SGCD: variants seen among roughly 807,000 people sequenced by gnomAD.
SGCD encodes the protein delta-sarcoglycan.
Under a neutral mutation model 36.6 loss-of-function variants are expected in SGCD, and 18 were observed. That is an observed-to-expected ratio of 0.49 (90% confidence interval 0.34 to 0.73). SGCD has a LOEUF of 0.73. SGCD is among the 30% of genes least tolerant of loss of function. The pLI is 0.01. For missense variants in SGCD, 387 were observed against 346.7 expected (o/e 1.12, Z -0.92); for synonymous variants, 133 against 130.6 (o/e 1.02, Z -0.12).
At chr5:156,400,155 G>T (rs953921720) in intron 3 of SGCD, among the ~76,000 whole-genome samples, 7 of 152,164 alleles carry the variant, frequency 4.6e-5, no homozygotes, top group African/African-American at 1.7e-4. Flanking sequence ...CTGGAAGGCT[G>T]TGAAAACACA....
At chr5:155,871,648 A>G (rs1285665214) in intron 1 of SGCD, among the ~76,000 whole-genome samples, 1 of 152,162 alleles carries the variant, frequency 6.6e-6, no homozygotes, top group Non-Finnish European at 1.5e-5. Context: ...GTGGTGTAGC[A>G]GGCACTGTGT....
At chr5:155,987,620 G>A (rs564136409) in intron 1 of SGCD, among the ~76,000 whole-genome samples, 1 of 152,258 alleles carries the variant, frequency 6.6e-6, no homozygotes, top group African/African-American at 2.4e-5. Flanking sequence ...TTCACGATCT[G>A]GCCTTAGCTT....
the SGCD span, among the ~76,000 whole-genome samples, chr5:155,848,842 G>C: frequency 4.6e-5 from 7 of 152,054 alleles, no homozygotes; most frequent in African/African-American, 1.7e-4. Context: ...GGAAGGAAAG[G>C]GCCATGCCTC....
chr5:155,741,885 A>C, the SGCD span, among the ~76,000 whole-genome samples: 1 of 151,798 alleles, frequency 6.6e-6, no homozygotes, highest in Non-Finnish European at 1.5e-5. Flanking sequence ...GGGTTTTGCC[A>C]TGTTGCCCAG....
intron 1 of SGCD, among the ~76,000 whole-genome samples, chr5:156,107,924 A>C (rs1167367361): frequency 6.6e-6 from 1 of 152,178 alleles, no homozygotes. Flanking sequence ...TTGGGAATGA[A>C]CACAGTTGCC....
At chr5:156,408,128 C>T (rs1265567141) in intron 3 of SGCD, among the ~76,000 whole-genome samples, 1 of 152,184 alleles carries the variant, frequency 6.6e-6, no homozygotes, top group Non-Finnish European at 1.5e-5. Flanking sequence ...ATACCACATT[C>T]TACCAAAAGT....
intron 1 of SGCD, among the ~76,000 whole-genome samples, chr5:155,953,435 T>G (rs1350441558): frequency 1.3e-5 from 2 of 152,148 alleles, no homozygotes. Flanking sequence ...TATGGCACAG[T>G]TGAATAGCTG....
At chr5:155,749,573 A>G in the SGCD span, among the ~76,000 whole-genome samples, 2 of 152,230 alleles carry the variant, frequency 1.3e-5, no homozygotes, top group Non-Finnish European at 2.9e-5. Flanking sequence ...TTTGACAAGC[A>G]TGACTGATTT....
At chr5:155,821,476 G>A in the SGCD span, among the ~76,000 whole-genome samples, 9 of 152,164 alleles carry the variant, frequency 5.9e-5, no homozygotes, top group Admixed American at 3.9e-4. Context: ...ACCACGCCCG[G>A]CTAATTTTTT....
chr5:155,984,387 G>T (rs1758289066), intron 1 of SGCD, among the ~76,000 whole-genome samples: 1 of 152,158 alleles, frequency 6.6e-6, no homozygotes, highest in Non-Finnish European at 1.5e-5. Flanking sequence ...CCTGTACTTT[G>T]TTTCGTAAGC....
Position 156,724,664 on chromosome 5 carries a change from AAAGAC to A in SGCD, c.576-32916_576-32912del, listed in dbSNP as rs1279470953. 3.1e-4 allele frequency among the ~76,000 whole-genome samples: 47 copies of A among 152,152 alleles called. 1 individual carries two copies. The highest frequency in any genetic ancestry group is 5.9e-5 in the Non-Finnish European group (4 of 68,022). On this transcript the variant is annotated intron_variant, in intron 7 of 8. Coordinates refer to ENST00000337851, the MANE Select transcript of SGCD (RefSeq NM_000337.6). Reference sequence around the variant, plus strand: ...TATTATTCTAGTGGTTCAGCTTTCTAAAGACTTATTATGGTGGTTGTTTACAAGTA... The same window carrying A: ...TATTATTCTAGTGGTTCAGCTTTCTATTATTATGGTGGTTGTTTACAAGTA...
At chr5:155,798,053 T>C in the SGCD span, among the ~76,000 whole-genome samples, 1 of 152,184 alleles carries the variant, frequency 6.6e-6, no homozygotes, top group African/African-American at 2.4e-5. Context: ...CACCACATTC[T>C]CTAGGTCACA....
chr5:156,418,330 A>G (rs1282869672), intron 3 of SGCD, among the ~76,000 whole-genome samples: 1 of 152,162 alleles, frequency 6.6e-6, no homozygotes, highest in Non-Finnish European at 1.5e-5. Flanking sequence ...AGCAGAAAGG[A>G]TATTGAGAGC....
intron 3 of SGCD, among the ~76,000 whole-genome samples, chr5:156,208,940 A>G (rs936372746): frequency 6.6e-6 from 1 of 152,184 alleles, no homozygotes; most frequent in Non-Finnish European, 1.5e-5. Flanking sequence ...AGAAGGTAGG[A>G]GGGAAAGTCT....
chr5:156,500,941 C>A (rs1756418935), intron 3 of SGCD, among the ~76,000 whole-genome samples: 1 of 152,212 alleles, frequency 6.6e-6, no homozygotes, highest in Non-Finnish European at 1.5e-5. Context: ...TCTTACCCTG[C>A]ACCAGTGGGA....
chr5:156,393,371 T>C (rs1461398651), intron 3 of SGCD, among the ~76,000 whole-genome samples: 1 of 152,250 alleles, frequency 6.6e-6, no homozygotes, highest in Non-Finnish European at 1.5e-5. Flanking sequence ...TGTTAAATGT[T>C]CAAGAATTTT....
intron 1 of SGCD, among the ~76,000 whole-genome samples, chr5:155,983,859 C>T (rs992713081): frequency 2.0e-5 from 3 of 152,082 alleles, no homozygotes; most frequent in African/African-American, 7.2e-5. Context: ...TTATTTATTG[C>T]TCAGGATGCT....
At chr5:156,092,062 T>C (rs953443519) in intron 1 of SGCD, among the ~76,000 whole-genome samples, 2 of 152,242 alleles carry the variant, frequency 1.3e-5, no homozygotes, top group African/African-American at 4.8e-5. Context: ...CAGGCTGTTA[T>C]CAGTGTTTCT....
chr5:156,273,908 C>A (rs1766248668), intron 3 of SGCD, among the ~76,000 whole-genome samples: 1 of 152,036 alleles, frequency 6.6e-6, no homozygotes. Context: ...ATGAGGAAAC[C>A]CAATTCTATT....
Sources: gnomAD v4.1 joint callset for allele counts (sites outside exome capture counted in the v4.1 genomes callset) on GRCh38, gnomAD v4.1.1 for gene constraint, MANE v1.5 for transcripts, NCBI Gene and HGNC (gene_info 2026-07-23, HGNC 2026-07-21) for gene names.